METTL15: variants seen among roughly 807,000 people sequenced by gnomAD.
METTL15 encodes the protein 12S rRNA N(4)-cytidine methyltransferase METTL15.
Under a neutral mutation model 38.3 loss-of-function variants are expected in METTL15, and 34 were observed. The observed-to-expected ratio is 0.89, with a 90% CI of 0.68 to 1.18. The LOEUF (loss-of-function observed/expected upper bound fraction) is 1.18, where lower values mean the gene tolerates loss of function less well. Ranked by LOEUF, METTL15 falls within the 50% of genes most tolerant of loss-of-function variation. The probability of loss-of-function intolerance (pLI) is 0.00; values close to 1 mark genes in which losing one functional copy is unlikely to be tolerated. For synonymous variants in METTL15, 162 were observed against 170.9 expected (o/e 0.95, Z 0.41); for missense variants, 438 against 498.4 (o/e 0.88, Z 1.15).
intron 4 of METTL15, among the ~76,000 whole-genome samples, chr11:28,216,374 A>G (rs1343086382): frequency 1.3e-5 from 2 of 152,140 alleles, no homozygotes; most frequent in Non-Finnish European, 2.9e-5. Context: ...ATTCATTGAG[A>G]AAATGGTGCA....
intron 4 of METTL15, among the ~76,000 whole-genome samples, chr11:28,225,488 A>G (rs903590766): frequency 1.3e-5 from 2 of 151,590 alleles, no homozygotes; most frequent in African/African-American, 2.4e-5. Flanking sequence ...TTTTATAGAT[A>G]TCACTCATTT....
intron 4 of METTL15, chr11:28,287,195 TG>T: frequency 4.7e-6 from 1 of 212,686 alleles, no homozygotes; most frequent in Non-Finnish European, 9.2e-6. Context: ...TGTGTGTGTG[TG>T]TTCATGAGGC....
At chr11:28,114,606 G>A (rs978661603) in intron 3 of METTL15, among the ~76,000 whole-genome samples, 4 of 151,894 alleles carry the variant, frequency 2.6e-5, no homozygotes, top group East Asian at 3.9e-4. Context: ...GAACACTACC[G>A]TGGCCGGCTA....
At chr11:28,224,002 C>T (rs1029126931) in intron 4 of METTL15, among the ~76,000 whole-genome samples, 1 of 151,924 alleles carries the variant, frequency 6.6e-6, no homozygotes, top group Non-Finnish European at 1.5e-5. Context: ...AAAATCATTC[C>T]ATCATTTTAC....
intron 6 of METTL15, among the ~76,000 whole-genome samples, chr11:28,437,048 C>T (rs984483695): frequency 6.6e-5 from 10 of 152,180 alleles, no homozygotes; most frequent in Non-Finnish European, 1.2e-4. Flanking sequence ...TGCCCTTGAA[C>T]GTCAGACTCC....
At chr11:28,490,456 C>T (rs1351676031) in intron 6 of METTL15, among the ~76,000 whole-genome samples, 1 of 152,060 alleles carries the variant, frequency 6.6e-6, no homozygotes, top group Non-Finnish European at 1.5e-5. Flanking sequence ...TATAAAGCTC[C>T]AATGCCATGG....
At chr11:28,290,514 C>A in intron 5 of METTL15, 117 bp downstream of exon 5, 2 of 831,994 alleles carry the variant, frequency 2.4e-6, no homozygotes, top group African/African-American at 1.7e-5. Flanking sequence ...CTAACACTAC[C>A]AATACATAAT....
At chr11:28,386,643 G>T (rs546327645) in intron 5 of METTL15, among the ~76,000 whole-genome samples, 1 of 151,968 alleles carries the variant, frequency 6.6e-6, no homozygotes, top group Admixed American at 6.6e-5. Context: ...TCTACTTTCA[G>T]TAGTAGATAG....
At chr11:28,200,028 T>C (rs1311572329) in intron 3 of METTL15, among the ~76,000 whole-genome samples, 1 of 152,130 alleles carries the variant, frequency 6.6e-6, no homozygotes, top group African/African-American at 2.4e-5. Flanking sequence ...AAAGGGTTTA[T>C]CATAGTGAGT....
intron 6 of METTL15, among the ~76,000 whole-genome samples, chr11:28,475,002 T>G (rs1372258429): frequency 6.6e-6 from 1 of 152,150 alleles, no homozygotes; most frequent in African/African-American, 2.4e-5. Flanking sequence ...CCTCTCTCTC[T>G]CTTATTTAAT....
At chr11:28,351,497 C>G (rs2133361437) in intron 3 of METTL15, among the ~76,000 whole-genome samples, 1 of 152,292 alleles carries the variant, frequency 6.6e-6, no homozygotes, top group Admixed American at 6.5e-5. Context: ...TAGCTCCCTG[C>G]CCCACATGTC....
At chr11:28,178,071 G>C (rs1851142135) in intron 3 of METTL15, among the ~76,000 whole-genome samples, 1 of 151,832 alleles carries the variant, frequency 6.6e-6, no homozygotes. Context: ...ATAGAGGTTA[G>C]AAGTGATTTG....
intron 3 of METTL15, chr11:28,134,481 C>G (rs1222270163): frequency 5.0e-6 from 2 of 398,086 alleles, no homozygotes; most frequent in East Asian, 3.6e-5. Flanking sequence ...GGAGGTTCTC[C>G]AGGGATCCTT....
At chr11:28,148,114 T>G (rs1263391791) in intron 3 of METTL15, among the ~76,000 whole-genome samples, 1 of 151,976 alleles carries the variant, frequency 6.6e-6, no homozygotes, top group Non-Finnish European at 1.5e-5. Flanking sequence ...GTTTCAACTT[T>G]TACTTCTTGA....
At chr11:28,184,944 G>A (rs762227484) in intron 3 of METTL15, among the ~76,000 whole-genome samples, 1 of 151,442 alleles carries the variant, frequency 6.6e-6, no homozygotes, top group Non-Finnish European at 1.5e-5. Context: ...CAGTTCCTGA[G>A]TAAAGGAAAT....
intron 3 of METTL15, 61 bp from the exon 4 acceptor site, chr11:28,211,001 A>G (rs1389121293): frequency 6.7e-7 from 1 of 1,492,826 alleles, no homozygotes; most frequent in Non-Finnish European, 9.1e-7. Flanking sequence ...AAATTGAGAT[A>G]GTTGTCAAGA....
At chr11:28,125,282 A>G (rs1462832773) in intron 3 of METTL15, among the ~76,000 whole-genome samples, 1 of 152,068 alleles carries the variant, frequency 6.6e-6, no homozygotes, top group African/African-American at 2.4e-5. Flanking sequence ...AATTTCTTTG[A>G]GCAATTTATA....
chr11:28,211,783 G>A (rs542500151), intron 4 of METTL15, among the ~76,000 whole-genome samples: 1 of 152,102 alleles, frequency 6.6e-6, no homozygotes, highest in Non-Finnish European at 1.5e-5. Context: ...AGTAGACATG[G>A]TATGTTGTTT....
At chr11:28,372,203 A>G (rs533742219) in intron 5 of METTL15, among the ~76,000 whole-genome samples, 14 of 152,134 alleles carry the variant, frequency 9.2e-5, no homozygotes, top group African/African-American at 3.4e-4. Context: ...GAATTTTATT[A>G]AATACTTTTC....
Sources: allele counts gnomAD v4.1 joint callset (sites outside exome capture counted in the v4.1 genomes callset), GRCh38; gene constraint gnomAD v4.1.1; transcripts MANE v1.5; gene names NCBI Gene and HGNC (gene_info 2026-07-23, HGNC 2026-07-21).